The following MEOX2 variants were observed in gnomAD, a reference collection of about 807,000 sequenced individuals.
The protein encoded by MEOX2 is mesenchyme homeobox 2.
Under a neutral mutation model 27.0 loss-of-function variants are expected in MEOX2, and 11 were observed. That is an observed-to-expected ratio of 0.41 (90% CI 0.26 to 0.68). The LOEUF (loss-of-function observed/expected upper bound fraction) is 0.68. MEOX2 is among the 30% of genes least tolerant of loss of function. The pLI, the probability that MEOX2 is intolerant of heterozygous loss-of-function variation, is 0.33. For missense variants in MEOX2, 436 were observed against 385.4 expected, an observed-to-expected ratio of 1.13 and a Z score of -1.10; for synonymous variants, 189 against 155.4, an observed-to-expected ratio of 1.22 and a Z score of -1.61.
rs1450504606 is a variant in MEOX2 at position 15,686,167 on chromosome 7, T to C, written c.236A>G (p.His79Arg). 1.3e-6 allele frequency: 2 copies of C among 1,535,958 alleles called. No individual in the cohort carries two copies. Among genetic ancestry groups the C allele is most frequent in the Non-Finnish European group, 1.7e-6 (2 of 1,149,662 alleles). The change falls in exon 1 of 3, where the codon CAC becomes CGC. Residue 79 changes from histidine to arginine, a missense_variant. His to Arg is a conservative substitution (Grantham distance 29). Coordinates refer to ENST00000262041, the MANE Select transcript of MEOX2 (RefSeq NM_005924.5). ...AGCCTGGTGCTGCTGCTGCTGATGG[T>C]GGTGATGGTGGTGGTGGTGGTGGTG... ...HHHHHHHHHH[H>R]HQQQQHQALQ...
At chr7:15,631,906 A>ATGTGTGTGTGTGGGTGTGTGTGTGTGTG (rs1781408875) in intron 1 of MEOX2, among the ~76,000 whole-genome samples, 1 of 129,352 alleles carries the variant, frequency 7.7e-6, no homozygotes, top group Non-Finnish European at 1.6e-5. Context: ...CCAAGGTTAA[A>ATGTGTGTGTGTGGGTGTGTGTGTGTGTG]TGTGTGTGTG....
intron 1 of MEOX2, among the ~76,000 whole-genome samples, chr7:15,643,667 G>A (rs115553993): frequency 1.3e-5 from 2 of 152,136 alleles, no homozygotes; most frequent in African/African-American, 4.8e-5. Context: ...GAAAAACTGC[G>A]GCTGTCAGGC....
At chr7:15,675,431 T>C (rs6980299) in intron 1 of MEOX2, among the ~76,000 whole-genome samples, 120,353 of 152,136 alleles carry the variant, frequency 0.79, 48,039 homozygotes, top group African/African-American at 0.89. Flanking sequence ...AAAGCAGTAG[T>C]CAACATTTTA....
At chr7:15,648,676 T>G (rs1332261330) in intron 1 of MEOX2, among the ~76,000 whole-genome samples, 1 of 151,894 alleles carries the variant, frequency 6.6e-6, no homozygotes, top group Non-Finnish European at 1.5e-5. Context: ...AACTGAAGAG[T>G]TACTGCCAGA....
In MEOX2 at chr7:15,664,625, T is replaced by C. The variant is rs1269147656; in HGVS notation, c.517+21261A>G. On this transcript the variant is annotated intron_variant, in intron 1 of 2. Coordinates refer to ENST00000262041, the MANE Select transcript of MEOX2 (RefSeq NM_005924.5). ...TGAAATAATTTAAAAATAAAAATACTTCAGGGCTAATTCATTGGGTGGGGG... is the reference window on the plus strand; with the variant it reads ...TGAAATAATTTAAAAATAAAAATACCTCAGGGCTAATTCATTGGGTGGGGG... 2.6e-5 allele frequency among the ~76,000 whole-genome samples: 4 copies of C among 152,186 alleles called. No homozygotes were observed. In the East Asian group the frequency reaches 7.7e-4, roughly 29 times the overall value.
intron 1 of MEOX2, among the ~76,000 whole-genome samples, chr7:15,676,730 C>T (rs372422132): frequency 2.0e-5 from 3 of 151,680 alleles, no homozygotes; most frequent in South Asian, 4.2e-4. Context: ...AATTAGCGGG[C>T]GCCTGTAGTC....
chr7:15,625,292 G>A (rs1006833765), intron 2 of MEOX2, among the ~76,000 whole-genome samples: 1 of 152,120 alleles, frequency 6.6e-6, no homozygotes, highest in Non-Finnish European at 1.5e-5. Context: ...GTAGACTTTG[G>A]ATCCTGCTTT....
chr7:15,657,920 C>T (rs1231638400), intron 1 of MEOX2, among the ~76,000 whole-genome samples: 1 of 152,174 alleles, frequency 6.6e-6, no homozygotes, highest in Admixed American at 6.5e-5. Context: ...CTCCTTAGTG[C>T]TACCTGAAGT....
intron 1 of MEOX2, among the ~76,000 whole-genome samples, chr7:15,666,954 T>C (rs1028510572): frequency 4.0e-5 from 6 of 150,840 alleles, no homozygotes; most frequent in Non-Finnish European, 5.9e-5. Flanking sequence ...GATTAGATTC[T>C]GGCCACCATC....
At chr7:15,635,320 G>C (rs1781463967) in intron 1 of MEOX2, among the ~76,000 whole-genome samples, 3 of 151,862 alleles carry the variant, frequency 2.0e-5, no homozygotes, top group Non-Finnish European at 4.4e-5. Context: ...TTCACAACAA[G>C]GATTTGAGGA....
intron 1 of MEOX2, chr7:15,676,152 A>T (rs1357210489): frequency 2.0e-5 from 3 of 152,170 alleles, no homozygotes; most frequent in African/African-American, 7.2e-5. Context: ...AGGACTTGCA[A>T]TTCCAGGGGT....
intron 1 of MEOX2, among the ~76,000 whole-genome samples, chr7:15,685,221 A>T (rs1782358417): frequency 6.6e-6 from 1 of 152,234 alleles, no homozygotes; most frequent in South Asian, 2.1e-4. Context: ...CAGTGTGAGC[A>T]TCTATTTATT....
chr7:15,630,832 C>A (rs1024647699), intron 1 of MEOX2, among the ~76,000 whole-genome samples: 8 of 151,938 alleles, frequency 5.3e-5, no homozygotes, highest in Non-Finnish European at 1.2e-4. Context: ...AAATTGCCTT[C>A]TTTATGGGCA....
At chr7:15,629,052 C>T (rs866936126) in intron 1 of MEOX2, among the ~76,000 whole-genome samples, 1 of 152,032 alleles carries the variant, frequency 6.6e-6, no homozygotes, top group South Asian at 2.1e-4. Flanking sequence ...TGGAAACTGA[C>T]AGTAAAGCCA....
At chr7:15,636,010 G>A (rs978993) in intron 1 of MEOX2, among the ~76,000 whole-genome samples, 121,247 of 151,906 alleles carry the variant, frequency 0.8, 48,709 homozygotes, top group East Asian at 0.9. Context: ...TGTTTGTGTG[G>A]GTATGTGTGT....
At chr7:15,653,295 ATC>A (rs1297218554) in intron 1 of MEOX2, among the ~76,000 whole-genome samples, 1 of 151,864 alleles carries the variant, frequency 6.6e-6, no homozygotes, top group East Asian at 1.9e-4. Context: ...TTGATAAAAA[ATC>A]TCTTTCTATC....
chr7:15,614,666 A>T (rs1030702978), intron 2 of MEOX2, among the ~76,000 whole-genome samples: 4 of 152,070 alleles, frequency 2.6e-5, no homozygotes, highest in Non-Finnish European at 2.9e-5. Flanking sequence ...ATTTTTCTAT[A>T]GTTTTGATAA....
At chr7:15,641,511 A>G (rs566454626) in intron 1 of MEOX2, among the ~76,000 whole-genome samples, 33 of 152,154 alleles carry the variant, frequency 2.2e-4, no homozygotes, top group African/African-American at 7.0e-4. Flanking sequence ...GTGTCATTAC[A>G]TGTGAAGTGG....
chr7:15,641,480 C>T (rs551403234), intron 1 of MEOX2, among the ~76,000 whole-genome samples: 2 of 152,130 alleles, frequency 1.3e-5, no homozygotes, highest in South Asian at 4.1e-4. Flanking sequence ...AGATCTTTCT[C>T]CACTCCTTTA....
Sources: allele counts gnomAD v4.1 joint callset (sites outside exome capture counted in the v4.1 genomes callset), GRCh38; gene constraint gnomAD v4.1.1; transcripts MANE v1.5; gene names NCBI Gene and HGNC (gene_info 2026-07-23, HGNC 2026-07-21).